ZMYND11: variants seen among roughly 807,000 people sequenced by gnomAD.
ZMYND11 encodes zinc finger MYND domain-containing protein 11.
Under a neutral mutation model 84.9 loss-of-function variants are expected in ZMYND11, and 9 were observed. That is an observed-to-expected ratio of 0.11 (90% CI 0.06 to 0.18). The LOEUF (loss-of-function observed/expected upper bound fraction) is 0.18. ZMYND11 is among the 10% of genes least tolerant of loss of function. ZMYND11 has a pLI of 1.00. For synonymous variants in ZMYND11, 250 were observed against 244.1 expected (o/e 1.02, Z -0.23); for missense variants, 409 against 761.0 (o/e 0.54, Z 5.44).
intron 6 of ZMYND11, 60 bp from the exon 7 acceptor site, chr10:239,378 G>A (rs1950511079): frequency 7.2e-7 from 1 of 1,382,782 alleles, no homozygotes; most frequent in African/African-American, 1.4e-5. Context: ...TGTGAACTTA[G>A]TCCAGACAAG....
intron 2 of ZMYND11, among the ~76,000 whole-genome samples, chr10:208,411 T>A (rs1397886951): frequency 6.6e-6 from 1 of 151,862 alleles, no homozygotes; most frequent in African/African-American, 2.4e-5. Flanking sequence ...AGGGCTAATA[T>A]CCAGAATCTA....
intron 1 of ZMYND11, among the ~76,000 whole-genome samples, chr10:173,822 A>G (rs1554766314): frequency 6.6e-6 from 1 of 152,210 alleles, no homozygotes; most frequent in Non-Finnish European, 1.5e-5. Context: ...ATCATATATC[A>G]TTAGGGAATT....
chr10:228,403 G>T (rs1411739118), intron 4 of ZMYND11, among the ~76,000 whole-genome samples: 1 of 152,164 alleles, frequency 6.6e-6, no homozygotes, highest in African/African-American at 2.4e-5. Flanking sequence ...GATAGTTGGG[G>T]TGTTTCCTAT....
At chr10:249,969 C>T (rs1953027215) in intron 14 of ZMYND11, among the ~76,000 whole-genome samples, 1 of 152,052 alleles carries the variant, frequency 6.6e-6, no homozygotes. Flanking sequence ...TAACAAAAGA[C>T]CAGGAGATCT....
intron 6 of ZMYND11, among the ~76,000 whole-genome samples, chr10:238,196 GCAA>G (rs1950293499): frequency 6.6e-6 from 1 of 152,212 alleles, no homozygotes; most frequent in Non-Finnish European, 1.5e-5. Flanking sequence ...GTAACAAATT[GCAA>G]CAACATCCAG....
rs1835873897 is a variant in ZMYND11 at position 135,850 on chromosome 10, C to T, written c.-20+291C>T. On this transcript the variant is annotated intron_variant, in intron 1 of 14. Coordinates refer to ENST00000381604, the MANE Select transcript of ZMYND11 (RefSeq NM_001370100.5). The surrounding 1 kb of genome is among the most constrained non-coding windows in gnomAD (Gnocchi z 5.6). ...CGCGGAAGAGGCCCCGGGATGAGGC[C>T]CCGGAGGACCGCGCGGGGCCTGCTC... Among the ~76,000 whole-genome samples the T allele has an allele frequency of 6.6e-6, 1 of 150,656 alleles. No homozygotes were observed. Among genetic ancestry groups the T allele is most frequent in the Admixed American group, 6.6e-5 (1 of 15,114 alleles).
In ZMYND11 at chr10:144,237, A is replaced by G. The variant is rs1484673768; in HGVS notation, c.-20+8678A>G. Among the ~76,000 whole-genome samples, 3 of 152,206 alleles carry G rather than the reference A, an allele frequency of 2.0e-5. No homozygotes were observed. The East Asian group carries it at 5.8e-4, about 29-fold the overall frequency. On this transcript the variant is annotated intron_variant, in intron 1 of 14. Coordinates refer to ENST00000381604, the MANE Select transcript of ZMYND11 (RefSeq NM_001370100.5). The stretch of plus-strand genomic sequence containing the variant: ...TTATTTATTTTAATTTTTGTTTTTT[A>G]CGACAGAATCTTGCTCTGTTGCCCA...
At chr10:140,526 TAGG>T (rs1837269282) in intron 1 of ZMYND11, among the ~76,000 whole-genome samples, 2 of 152,228 alleles carry the variant, frequency 1.3e-5, no homozygotes, top group Admixed American at 1.3e-4. Flanking sequence ...TATTAGGTCT[TAGG>T]AGAGAAATTT....
At chr10:163,492 T>A (rs1283296838) in intron 1 of ZMYND11, among the ~76,000 whole-genome samples, 1 of 152,206 alleles carries the variant, frequency 6.6e-6, no homozygotes, top group Non-Finnish European at 1.5e-5. Flanking sequence ...CTCAAATTTA[T>A]TTTCTAACCC....
intron 10 of ZMYND11, among the ~76,000 whole-genome samples, chr10:245,928 C>T (rs73583783): frequency 0.23 from 34,288 of 152,044 alleles, 4,122 homozygotes; most frequent in Middle Eastern, 0.31. Context: ...GCATCTCTTG[C>T]CGCTGTCAAA....
At chr10:198,931 T>C (rs1942434630) in intron 2 of ZMYND11, among the ~76,000 whole-genome samples, 1 of 152,200 alleles carries the variant, frequency 6.6e-6, no homozygotes, top group Non-Finnish European at 1.5e-5. Flanking sequence ...TTAGTGTGTA[T>C]GCACACCAAG....
chr10:243,589 G>A (rs1951497271), intron 10 of ZMYND11, among the ~76,000 whole-genome samples: 1 of 152,208 alleles, frequency 6.6e-6, no homozygotes, highest in Non-Finnish European at 1.5e-5. Flanking sequence ...GGTTAGGCCA[G>A]GCACGGTGGC....
chr10:164,214 A>C (rs1295992560), intron 1 of ZMYND11, among the ~76,000 whole-genome samples: 4 of 152,206 alleles, frequency 2.6e-5, no homozygotes, highest in Non-Finnish European at 5.9e-5. Context: ...TGTTTACCTC[A>C]TTCCACTGTC....
intron 1 of ZMYND11, among the ~76,000 whole-genome samples, chr10:178,118 G>C (rs1217842260): frequency 1.3e-5 from 2 of 152,190 alleles, no homozygotes; most frequent in Non-Finnish European, 2.9e-5. Context: ...ACCTCAGCGA[G>C]AAGTAGTGTC....
rs374899445 is a variant in ZMYND11 at position 139,743 on chromosome 10, G to A, written c.-20+4184G>A. 5.6e-5 allele frequency among the ~76,000 whole-genome samples: 6 copies of A among 107,036 alleles called. No individual in the cohort carries two copies. In the East Asian group the frequency reaches 1.9e-3, roughly 35 times the overall value. The allele number at this position is 107,036 out of a possible 152,430, so 70.2% of individuals were successfully genotyped here. A position where few individuals can be genotyped will look rare whatever the true frequency, so the allele number is the denominator to read the frequency against. ...TTTTTTTTTTTGGAGATAGGGTCTT[G>A]CTCTGTTGCCCAGGCTGGAGTGCAG... is the stretch of plus-strand genomic sequence containing the variant. On this transcript the variant is annotated intron_variant, in intron 1 of 14. Coordinates refer to ENST00000381604, the MANE Select transcript of ZMYND11 (RefSeq NM_001370100.5).
intron 2 of ZMYND11, among the ~76,000 whole-genome samples, chr10:203,558 T>C (rs564300507): frequency 6.6e-6 from 1 of 152,316 alleles, no homozygotes; most frequent in Non-Finnish European, 1.5e-5. Flanking sequence ...TTAAAATTAC[T>C]GTGGATGAAT....
intron 4 of ZMYND11, among the ~76,000 whole-genome samples, chr10:235,007 T>TGTGTGA (rs1949707473): frequency 6.6e-6 from 1 of 152,028 alleles, no homozygotes; most frequent in Admixed American, 6.6e-5. Context: ...TGTGTGTGTG[T>TGTGTGA]GTGAAAAGCA....
chr10:193,554 T>G (rs1348207245), intron 2 of ZMYND11, among the ~76,000 whole-genome samples: 1 of 152,244 alleles, frequency 6.6e-6, no homozygotes, highest in African/African-American at 2.4e-5. Flanking sequence ...TAGTTAGTCA[T>G]TCTAACAAAA....
chr10:174,028 G>A (rs573388567), intron 1 of ZMYND11, among the ~76,000 whole-genome samples: 4 of 152,132 alleles, frequency 2.6e-5, no homozygotes, highest in Non-Finnish European at 4.4e-5. Context: ...TTTTCTAACC[G>A]TACGAACCAG....
Sources: allele counts gnomAD v4.1 joint callset (sites outside exome capture counted in the v4.1 genomes callset), GRCh38; gene constraint gnomAD v4.1.1; non-coding constraint Gnocchi (gnomAD v3.1); transcripts MANE v1.5; gene names NCBI Gene and HGNC (gene_info 2026-07-23, HGNC 2026-07-21).